The following CDK14 variants were observed in gnomAD, a reference collection of about 807,000 sequenced individuals.
The protein encoded by CDK14 is cyclin-dependent kinase 14.
CDK14 carries 34 observed loss-of-function variants against 60.7 expected under a neutral mutation model. The ratio of observed to expected loss-of-function variants is 0.56; its 90% CI spans 0.43 to 0.75. The LOEUF (loss-of-function observed/expected upper bound fraction) is 0.75, where lower values mean the gene tolerates loss of function less well. Among genes scored for constraint, CDK14 ranks in the 30% least tolerant of loss-of-function variants. The probability of loss-of-function intolerance (pLI) is 0.00; values close to 1 mark genes in which losing one functional copy is unlikely to be tolerated. For synonymous variants in CDK14, 197 were observed against 203.7 expected (o/e 0.97, Z 0.28); for missense variants, 482 against 564.1 (o/e 0.85, Z 1.47).
chr7:91,186,668 C>A (rs1200328297), intron 14 of CDK14, among the ~76,000 whole-genome samples: 3 of 152,166 alleles, frequency 2.0e-5, no homozygotes, highest in African/African-American at 4.8e-5. Context: ...TCTTCACCAG[C>A]AGGACACAGT....
chr7:91,091,251 A>C (rs1034652319), intron 12 of CDK14, among the ~76,000 whole-genome samples: 1 of 146,992 alleles, frequency 6.8e-6, no homozygotes, highest in Non-Finnish European at 1.5e-5. Context: ...TCTGTAAAAA[A>C]AATATTTTAT....
At chr7:90,998,888 C>G (rs1795761660) in intron 10 of CDK14, among the ~76,000 whole-genome samples, 1 of 141,438 alleles carries the variant, frequency 7.1e-6, no homozygotes, top group South Asian at 2.3e-4. Flanking sequence ...GCCTCCATCT[C>G]AAAAATAAAA....
chr7:90,743,965 T>A (rs1367945675), intron 3 of CDK14, among the ~76,000 whole-genome samples: 1 of 152,180 alleles, frequency 6.6e-6, no homozygotes, highest in Admixed American at 6.5e-5. Flanking sequence ...GATTCGTGTA[T>A]GTTTATTGTA....
intron 8 of CDK14, among the ~76,000 whole-genome samples, chr7:90,930,551 T>C (rs1472678289): frequency 6.7e-5 from 10 of 148,744 alleles, no homozygotes; most frequent in Non-Finnish European, 1.3e-4. Context: ...TTTTTTTTTT[T>C]TTGGTCAAGC....
At chr7:90,917,122 T>C (rs1793106249) in intron 7 of CDK14, among the ~76,000 whole-genome samples, 1 of 152,204 alleles carries the variant, frequency 6.6e-6, no homozygotes, top group African/African-American at 2.4e-5. Context: ...TTTCCATTCC[T>C]TAAAGCATGT....
intron 6 of CDK14, among the ~76,000 whole-genome samples, chr7:90,866,646 T>C (rs906792103): frequency 1.3e-5 from 2 of 152,214 alleles, no homozygotes. Flanking sequence ...TTATAATATG[T>C]ACATACTACA....
chr7:90,819,087 T>A (rs1340469117), intron 5 of CDK14, among the ~76,000 whole-genome samples: 1 of 152,078 alleles, frequency 6.6e-6, no homozygotes, highest in African/African-American at 2.4e-5. Context: ...TTAAGTACAG[T>A]GATATATTGT....
chr7:90,961,913 G>A (rs1489415737), intron 9 of CDK14, among the ~76,000 whole-genome samples: 2 of 152,160 alleles, frequency 1.3e-5, no homozygotes, highest in African/African-American at 4.8e-5. Context: ...TGTGACATGT[G>A]GTCACCTTTC....
chr7:91,061,391 C>A (rs558375676), intron 11 of CDK14, among the ~76,000 whole-genome samples: 6 of 152,336 alleles, frequency 3.9e-5, no homozygotes, highest in Non-Finnish European at 7.3e-5. Context: ...AAGCCTTCTT[C>A]TCTCAATTCG....
intron 2 of CDK14, among the ~76,000 whole-genome samples, chr7:90,724,168 T>G (rs1215523971): frequency 6.6e-6 from 1 of 152,132 alleles, no homozygotes; most frequent in East Asian, 1.9e-4. Context: ...TGAGCTTTGG[T>G]AGTTTTTGTC....
chr7:91,084,264 A>T (rs956097560), intron 12 of CDK14, among the ~76,000 whole-genome samples: 3 of 152,142 alleles, frequency 2.0e-5, no homozygotes, highest in Non-Finnish European at 2.9e-5. Context: ...ATGGGTGGGG[A>T]TATCTCTTCT....
intron 10 of CDK14, among the ~76,000 whole-genome samples, chr7:90,990,132 A>G (rs564678670): frequency 9.8e-5 from 15 of 152,316 alleles, no homozygotes; most frequent in African/African-American, 3.1e-4. Context: ...AAAATAATAC[A>G]GTACAGTGTG....
intron 1 of CDK14, among the ~76,000 whole-genome samples, chr7:90,597,748 G>T (rs1264066514): frequency 2.6e-4 from 39 of 151,550 alleles, no homozygotes; most frequent in Admixed American, 2.6e-3. Context: ...GCACATGAGT[G>T]TTACAGATAT....
At chr7:90,785,674 C>T (rs1805545533) in intron 4 of CDK14, among the ~76,000 whole-genome samples, 1 of 150,906 alleles carries the variant, frequency 6.6e-6, no homozygotes, top group African/African-American at 2.4e-5. Context: ...GTAGTCCCAG[C>T]TACTCGGGAG....
At chr7:90,625,109 T>C (rs2116384079) in intron 2 of CDK14, among the ~76,000 whole-genome samples, 1 of 152,202 alleles carries the variant, frequency 6.6e-6, no homozygotes, top group Middle Eastern at 3.4e-3. Flanking sequence ...TCTCAGTGCT[T>C]CGGGAGATCA....
At chr7:90,683,828 G>T (rs1801373796) in intron 2 of CDK14, among the ~76,000 whole-genome samples, 1 of 151,872 alleles carries the variant, frequency 6.6e-6, no homozygotes, top group Non-Finnish European at 1.5e-5. Flanking sequence ...CCAAATTCTG[G>T]GTAGATGTGT....
intron 12 of CDK14, among the ~76,000 whole-genome samples, chr7:91,099,570 C>T (rs1351914405): frequency 1.3e-5 from 2 of 152,026 alleles, no homozygotes; most frequent in African/African-American, 4.8e-5. Flanking sequence ...CATTTTAAAA[C>T]CTGTGAAGTC....
intron 10 of CDK14, among the ~76,000 whole-genome samples, chr7:90,985,744 G>C (rs185249477): frequency 1.4e-4 from 21 of 152,216 alleles, no homozygotes; most frequent in Admixed American, 8.5e-4. Flanking sequence ...CTATATCCCT[G>C]TGAGTCGCTG....
At chr7:90,750,598 C>T (rs1374179314) in intron 4 of CDK14, among the ~76,000 whole-genome samples, 4 of 152,140 alleles carry the variant, frequency 2.6e-5, no homozygotes, top group African/African-American at 2.4e-5. Context: ...TGAGGCCGGA[C>T]GTGGTGGCTC....
Sources: gnomAD v4.1 joint callset for allele counts (sites outside exome capture counted in the v4.1 genomes callset) on GRCh38, gnomAD v4.1.1 for gene constraint, MANE v1.5 for transcripts, NCBI Gene and HGNC (gene_info 2026-07-23, HGNC 2026-07-21) for gene names.